Variants in NAALADL2 observed in about 807,000 individuals in gnomAD.
The protein encoded by NAALADL2 is inactive N-acetylated-alpha-linked acidic dipeptidase-like protein 2.
Under a neutral mutation model 87.2 loss-of-function variants are expected in NAALADL2, and 76 were observed. The ratio of observed to expected loss-of-function variants is 0.87; its 90% confidence interval spans 0.72 to 1.05. The LOEUF is 1.05. Among genes scored for constraint, NAALADL2 ranks in the 50% least tolerant of loss-of-function variants. NAALADL2 has a pLI of 0.00. For missense variants in NAALADL2, 1,089 were observed against 945.8 expected (o/e 1.15, Z -1.99); for synonymous variants, 354 against 331.0 (o/e 1.07, Z -0.75).
chr3:174,461,039 T>G (rs1716186405), intron 1 of NAALADL2, among the ~76,000 whole-genome samples: 1 of 152,066 alleles, frequency 6.6e-6, no homozygotes, highest in African/African-American at 2.4e-5. Context: ...TATATATAGC[T>G]CATTCCATCA....
chr3:174,763,732 T>C (rs1343795523), intron 3 of NAALADL2, among the ~76,000 whole-genome samples: 1 of 150,936 alleles, frequency 6.6e-6, no homozygotes, highest in Non-Finnish European at 1.5e-5. Flanking sequence ...ATGGTCAAGC[T>C]GATGAGAGTT....
intron 1 of NAALADL2, among the ~76,000 whole-genome samples, chr3:174,487,618 G>A (rs762544007): frequency 6.6e-5 from 10 of 151,944 alleles, no homozygotes; most frequent in Non-Finnish European, 1.3e-4. Context: ...ATTTCAGCAG[G>A]TAGATGAGGG....
intron 4 of NAALADL2, chr3:175,256,809 A>T (rs1750031383): frequency 4.7e-6 from 1 of 211,938 alleles, no homozygotes. Context: ...GGACCTTAAT[A>T]AAATTGGCAT....
intron 2 of NAALADL2, among the ~76,000 whole-genome samples, chr3:174,694,843 G>A (rs1400141030): frequency 1.3e-5 from 2 of 151,980 alleles, no homozygotes; most frequent in African/African-American, 2.4e-5. Flanking sequence ...GTTTATAGCA[G>A]GTGTAAAAGG....
chr3:175,739,129 T>G (rs1744919435), intron 12 of NAALADL2, among the ~76,000 whole-genome samples: 1 of 152,056 alleles, frequency 6.6e-6, no homozygotes. Flanking sequence ...AAGAGTATAC[T>G]GCAAAATGCT....
rs113326121 is a variant in NAALADL2, at chr3:174,892,133, G to A, written c.43+32683G>A. Among the ~76,000 whole-genome samples the A allele has an allele frequency of 3.2e-3, 483 of 152,178 alleles. 2 individuals are homozygous for A. Among genetic ancestry groups the A allele is most frequent in the African/African-American group, 0.011 (464 of 41,520 alleles). On this transcript the variant is annotated intron_variant, in intron 1 of 13. Transcript: ENST00000454872. ...AATAATATGAGGCGGTAAAGACTAC[G>A]ATAAATACCTAACTCTTCAATATCC...
intron 13 of NAALADL2, among the ~76,000 whole-genome samples, chr3:175,785,705 T>C (rs2150233689): frequency 7.1e-6 from 1 of 140,508 alleles, no homozygotes; most frequent in Non-Finnish European, 1.5e-5. Flanking sequence ...TCCATTTACA[T>C]TTAAAGTTAA....
intron 2 of NAALADL2, among the ~76,000 whole-genome samples, chr3:174,564,359 A>T (rs1560058506): frequency 6.6e-6 from 1 of 152,078 alleles, no homozygotes; most frequent in East Asian, 1.9e-4. Context: ...AAGTTAGGAC[A>T]CAGAATAAAA....
At chr3:175,567,774 G>A (rs886886038) in intron 9 of NAALADL2, among the ~76,000 whole-genome samples, 3 of 149,836 alleles carry the variant, frequency 2.0e-5, no homozygotes, top group African/African-American at 7.4e-5. Context: ...GGAGTGCAGT[G>A]GCACTATCTC....
chr3:175,467,414 C>T (rs1335449563), intron 8 of NAALADL2, among the ~76,000 whole-genome samples: 1 of 152,128 alleles, frequency 6.6e-6, no homozygotes. Flanking sequence ...CTTACAAACC[C>T]TGATACAGTC....
chr3:175,542,296 A>G (rs1337788919), intron 9 of NAALADL2, among the ~76,000 whole-genome samples: 3 of 152,248 alleles, frequency 2.0e-5, no homozygotes, highest in African/African-American at 7.2e-5. Flanking sequence ...AAATGAGCAC[A>G]TAATGAAAAT....
At chr3:175,398,619 C>A (rs1770149794) in intron 5 of NAALADL2, among the ~76,000 whole-genome samples, 1 of 151,894 alleles carries the variant, frequency 6.6e-6, no homozygotes, top group South Asian at 2.1e-4. Context: ...GTAAATGACA[C>A]TTAAAGGTAT....
intron 2 of NAALADL2, among the ~76,000 whole-genome samples, chr3:174,569,572 A>T (rs1310469889): frequency 1.3e-5 from 2 of 152,046 alleles, no homozygotes; most frequent in African/African-American, 2.4e-5. Flanking sequence ...GCTTCTTTGC[A>T]TGTCTAATAA....
intron 2 of NAALADL2, among the ~76,000 whole-genome samples, chr3:174,609,838 A>C (rs1444218207): frequency 6.6e-6 from 1 of 152,172 alleles, no homozygotes; most frequent in African/African-American, 2.4e-5. Context: ...GGAACCAAAA[A>C]AGAGCCCGCA....
intron 7 of NAALADL2, among the ~76,000 whole-genome samples, chr3:175,465,092 T>G (rs1723767787): frequency 6.6e-6 from 1 of 151,932 alleles, no homozygotes; most frequent in Non-Finnish European, 1.5e-5. Flanking sequence ...TACAAAAAAT[T>G]GACTATTTAA....
At chr3:175,465,663 A>G (rs754964610) in intron 7 of NAALADL2, among the ~76,000 whole-genome samples, 13 of 151,862 alleles carry the variant, frequency 8.6e-5, no homozygotes, top group Non-Finnish European at 1.6e-4. Context: ...AGTAGAGACG[A>G]GGTTTCACCA....
rs561256317 is a variant in NAALADL2, at chr3:175,689,803, G to A, written c.1897-47503G>A. 1.1e-3 allele frequency among the ~76,000 whole-genome samples: 172 copies of A among 152,136 alleles called. 1 individual carries two copies. The highest frequency in any genetic ancestry group is 4.0e-3 in the African/African-American group (167 of 41,530). On this transcript the variant is annotated intron_variant, in intron 11 of 13. Transcript: ENST00000454872. The stretch of plus-strand genomic sequence containing the variant: ...CACCAGCTTTAGGCTAAAAGAACTT[G>A]CAAATTTGAGATGCTCTTTTACCCA...
chr3:175,498,592 C>T (rs1213338135), intron 9 of NAALADL2, among the ~76,000 whole-genome samples: 1 of 152,046 alleles, frequency 6.6e-6, no homozygotes, highest in African/African-American at 2.4e-5. Flanking sequence ...GAATTAGGCT[C>T]ATCTGGATTT....
chr3:175,502,883 A>G (rs1729746351), intron 9 of NAALADL2, among the ~76,000 whole-genome samples: 2 of 151,336 alleles, frequency 1.3e-5, no homozygotes, highest in Admixed American at 1.3e-4. Context: ...TTTTCATTTT[A>G]GTTTTTGTAA....
Sources: allele counts gnomAD v4.1 joint callset (sites outside exome capture counted in the v4.1 genomes callset), GRCh38; gene constraint gnomAD v4.1.1; transcripts MANE v1.5; gene names NCBI Gene and HGNC (gene_info 2026-07-23, HGNC 2026-07-21).